Variants in EOGT observed in about 807,000 individuals in gnomAD.
The protein encoded by EOGT is EGF domain specific O-linked N-acetylglucosamine transferase, also known as EGF domain-specific O-linked N-acetylglucosamine transferase.
A neutral mutation model predicts 70.5 loss-of-function variants in EOGT; 55 were observed. The ratio of observed to expected loss-of-function variants is 0.78; its 90% CI spans 0.63 to 0.98. EOGT has a LOEUF of 0.98. EOGT is among the 50% of genes least tolerant of loss of function. EOGT has a pLI of 0.00. For synonymous variants in EOGT, 246 were observed against 217.1 expected (o/e 1.13, Z -1.17); for missense variants, 703 against 641.9 (o/e 1.10, Z -1.03).
At chr3:68,980,042 A>T (rs1317798102) in intron 15 of EOGT, among the ~76,000 whole-genome samples, 1 of 152,164 alleles carries the variant, frequency 6.6e-6, no homozygotes, top group Admixed American at 6.5e-5. Flanking sequence ...GGAAACTTTA[A>T]TATCTGTCTT....
chr3:68,985,578 T>A (rs2090780835), intron 14 of EOGT, among the ~76,000 whole-genome samples: 1 of 152,208 alleles, frequency 6.6e-6, no homozygotes, highest in Non-Finnish European at 1.5e-5. Flanking sequence ...CTAATGTGAA[T>A]GTACTTTTAC....
intron 10 of EOGT, among the ~76,000 whole-genome samples, chr3:68,995,344 GA>G (rs1457844481): frequency 2.0e-5 from 3 of 152,226 alleles, no homozygotes; most frequent in Non-Finnish European, 4.4e-5. Context: ...CCTGTCCTGA[GA>G]ACCTGGCTTA....
chr3:68,981,820 A>C (rs991040828), intron 15 of EOGT, among the ~76,000 whole-genome samples: 1 of 146,596 alleles, frequency 6.8e-6, no homozygotes, highest in Non-Finnish European at 1.5e-5. Context: ...ATAACATCTA[A>C]ATTTTGATAA....
chr3:69,005,061 CAAAAA>C, intron 7 of EOGT, 74 bp downstream of exon 7: 87 of 664,432 alleles, frequency 1.3e-4, no homozygotes, highest in Middle Eastern at 3.0e-4. Flanking sequence ...GACCCTGTCT[CAAAAA>C]AAAAAAAAAA....
intron 15 of EOGT, among the ~76,000 whole-genome samples, chr3:68,981,269 C>T (rs767751273): frequency 3.3e-5 from 5 of 152,316 alleles, no homozygotes; most frequent in Non-Finnish European, 5.9e-5. Flanking sequence ...CTATGCCATC[C>T]GCCATAATGG....
At chr3:69,003,995 T>A (rs72499076) in intron 8 of EOGT, among the ~76,000 whole-genome samples, 4,414 of 152,236 alleles carry the variant, frequency 0.029, 80 homozygotes, top group South Asian at 0.079. Flanking sequence ...ACCTTGGCCT[T>A]CCAAAGTGCT....
At chr3:68,999,287 G>A (rs76837507) in intron 9 of EOGT, among the ~76,000 whole-genome samples, 1,554 of 152,308 alleles carry the variant, frequency 0.01, 28 homozygotes, top group African/African-American at 0.036. Context: ...AGATAGAGTG[G>A]AGAGGGTTGT....
At position 69,013,165 on chromosome 3, in the gene EOGT, G is replaced by C. The variant is rs1253743181; in HGVS notation, c.-355-366C>G. 3.3e-5 allele frequency among the ~76,000 whole-genome samples: 5 copies of C among 152,176 alleles called. No homozygotes were observed. The East Asian group carries it at 9.7e-4, about 30-fold the overall frequency. ...GGCTGAGACGCCGCGCTGGGGTTCC[G>C]GACCCCGGGCGCCGCCAGGGATTGC... On this transcript the variant is annotated intron_variant, in intron 1 of 17. Transcript: ENST00000383701.
intron 14 of EOGT, among the ~76,000 whole-genome samples, chr3:68,984,412 G>C (rs1424114471): frequency 6.6e-6 from 1 of 152,150 alleles, no homozygotes; most frequent in Non-Finnish European, 1.5e-5. Flanking sequence ...GTGTGCTGAC[G>C]GTCTCAGGGC....
At chr3:68,998,270 T>C (rs988566815) in intron 9 of EOGT, among the ~76,000 whole-genome samples, 156 bp from the exon 10 acceptor site, 1 of 152,252 alleles carries the variant, frequency 6.6e-6, no homozygotes, top group African/African-American at 2.4e-5. Flanking sequence ...TGAAATGATC[T>C]AGATACATAG....
chr3:68,988,198 TG>T, intron 13 of EOGT, 96 bp downstream of exon 13: 2 of 860,338 alleles, frequency 2.3e-6, no homozygotes, highest in Non-Finnish European at 3.6e-6. Flanking sequence ...CACAAAAACA[TG>T]GTCTCCTGAT....
intron 3 of EOGT, 45 bp downstream of exon 3, chr3:69,011,891 C>G (rs2091587222): frequency 1.3e-5 from 2 of 152,108 alleles, no homozygotes; most frequent in Non-Finnish European, 2.9e-5. Flanking sequence ...TTTAAAAACA[C>G]ATATTAATAG....
At chr3:68,988,236 C>T (rs1388451415) in intron 13 of EOGT, 59 bp downstream of exon 13, 6 of 1,164,056 alleles carry the variant, frequency 5.2e-6, no homozygotes, top group South Asian at 2.8e-5. Flanking sequence ...AAGGTGGTAT[C>T]GATTTTTATT....
chr3:69,006,711 T>C (rs1347084415), intron 6 of EOGT, among the ~76,000 whole-genome samples: 1 of 152,210 alleles, frequency 6.6e-6, no homozygotes, highest in Non-Finnish European at 1.5e-5. Flanking sequence ...GGATCTGAAT[T>C]GTAGTTGAGA....
chr3:68,988,190 C>A, intron 13 of EOGT, 105 bp downstream of exon 13: 1 of 838,756 alleles, frequency 1.2e-6, no homozygotes, highest in Non-Finnish European at 1.8e-6. Flanking sequence ...AATGTTAACA[C>A]AAAAACATGG....
intron 14 of EOGT, among the ~76,000 whole-genome samples, chr3:68,986,016 C>A (rs967085079): frequency 1.3e-5 from 2 of 152,170 alleles, no homozygotes; most frequent in Admixed American, 1.3e-4. Context: ...ATCTTCGAAG[C>A]CAGCAACATG....
Position 68,976,525 on chromosome 3 carries a change from T to C in EOGT, c.*1093A>G, listed in dbSNP as rs1340911852. 6.6e-6 allele frequency: 1 copy of C among 152,306 alleles called. No homozygotes were observed. Among genetic ancestry groups the C allele is most frequent in the African/African-American group, 2.4e-5 (1 of 41,566 alleles). The allele number at this position is 152,306 out of a possible 1,614,324, so 9.4% of individuals were successfully genotyped here. On this transcript the variant is annotated 3_prime_UTR_variant, in exon 18 of 18. Transcript: ENST00000383701. The stretch of plus-strand genomic sequence containing the variant: ...CATGATTTAAATATGAAACATGTAA[T>C]ATAAATTAATATAGTGGCATGATTT...
chr3:68,996,837 G>T (rs1255076701), intron 10 of EOGT, among the ~76,000 whole-genome samples: 1 of 152,174 alleles, frequency 6.6e-6, no homozygotes, highest in Admixed American at 6.5e-5. Flanking sequence ...ATGACCCCTT[G>T]GTGGGTGTTC....
Position 68,977,161 on chromosome 3 carries a change from A to G in EOGT, c.*457T>C, listed in dbSNP as rs1203120849. On this transcript the variant is annotated 3_prime_UTR_variant, in exon 18 of 18. Coordinates refer to ENST00000383701, the MANE Select transcript of EOGT (RefSeq NM_001278689.2). ...GGTGACAGAGTGAAACTGTATCTCAACGACAACAACAAAAATTTAGCCAGG... is the reference window on the plus strand; with the variant it reads ...GGTGACAGAGTGAAACTGTATCTCAGCGACAACAACAAAAATTTAGCCAGG... 6.0e-6 allele frequency: 1 copy of G among 166,784 alleles called. No individual in the cohort carries two copies. The highest frequency in any genetic ancestry group is 1.3e-5 in the Non-Finnish European group (1 of 78,714). 10.3% of individuals were successfully genotyped at this position (166,784 alleles called of 1,614,324 possible). A position where few individuals can be genotyped will look rare whatever the true frequency, so the allele number is the denominator to read the frequency against.
Sources: allele counts gnomAD v4.1 joint callset (sites outside exome capture counted in the v4.1 genomes callset), GRCh38; gene constraint gnomAD v4.1.1; transcripts MANE v1.5; gene names NCBI Gene and HGNC (gene_info 2026-07-23, HGNC 2026-07-21).